Variants in SPECC1L observed in about 807,000 individuals in gnomAD.
SPECC1L encodes cytospin-A.
Under a neutral mutation model 116.8 loss-of-function variants are expected in SPECC1L, and 40 were observed. The observed-to-expected ratio is 0.34, with a 90% CI of 0.27 to 0.45. The LOEUF is 0.45. Ranked by LOEUF, SPECC1L falls within the 20% of genes least tolerant of loss-of-function variation. The pLI, the probability that SPECC1L is intolerant of heterozygous loss-of-function variation, is 1.00. For synonymous variants in SPECC1L, 504 were observed against 500.6 expected (o/e 1.01, Z -0.09); for missense variants, 1,110 against 1,373.6 (o/e 0.81, Z 3.03).
chr22:24,314,894 G>A (rs545973338), intron 4 of SPECC1L, among the ~76,000 whole-genome samples: 1 of 152,304 alleles, frequency 6.6e-6, no homozygotes, highest in South Asian at 2.1e-4. Flanking sequence ...TCAGTGCCTA[G>A]ATCCATTCAT....
intron 6 of SPECC1L, among the ~76,000 whole-genome samples, chr22:24,326,602 G>A (rs548467575): frequency 1.3e-5 from 2 of 151,794 alleles, no homozygotes; most frequent in East Asian, 4.1e-4. Context: ...ATCTACCCTT[G>A]TTGTCTCAAC....
intron 2 of SPECC1L, among the ~76,000 whole-genome samples, chr22:24,286,419 C>A (rs1301481301): frequency 6.6e-6 from 1 of 152,174 alleles, no homozygotes. Flanking sequence ...ATTGCTTGAA[C>A]TTGCAATACA....
chr22:24,351,505 AGTCT>A (rs1308404665), intron 11 of SPECC1L, among the ~76,000 whole-genome samples: 2 of 152,196 alleles, frequency 1.3e-5, no homozygotes, highest in East Asian at 3.8e-4. Context: ...ACATGCCGTC[AGTCT>A]ATGTAAAAGC....
At chr22:24,357,057 G>T (rs200536359) in intron 11 of SPECC1L, among the ~76,000 whole-genome samples, 1 of 8,380 alleles carries the variant, frequency 1.2e-4, no homozygotes, top group Non-Finnish European at 2.1e-4. Context: ...ATAATCCCCT[G>T]GGGGGGCAAA....
In SPECC1L at chr22:24,309,574, T is replaced by C. The variant is rs1251182288; in HGVS notation, c.154-3739T>C. ...TGCTGCCACACCCAGCTAATTTTTG[T>C]ATTTTTAGTAGAGACGGGGTTTCAC... On this transcript the variant is annotated intron_variant, in intron 3 of 16. Coordinates refer to ENST00000314328, the MANE Select transcript of SPECC1L (RefSeq NM_015330.6). Among the ~76,000 whole-genome samples, 4 of 152,306 alleles carry C rather than the reference T, an allele frequency of 2.6e-5. No homozygotes were observed. The East Asian group carries it at 7.7e-4, about 29-fold the overall frequency.
chr22:24,355,190 T>C (rs11912259), intron 11 of SPECC1L, among the ~76,000 whole-genome samples: 83,596 of 149,172 alleles, frequency 0.56, 23,622 homozygotes, highest in African/African-American at 0.65. Flanking sequence ...GGCTGAGGCA[T>C]GAGAATTACT....
At chr22:24,302,479 C>T in intron 3 of SPECC1L, 95 bp downstream of exon 3, 1 of 1,504,710 alleles carries the variant, frequency 6.6e-7, no homozygotes, top group Non-Finnish European at 9.2e-7. Flanking sequence ...TAGGGGTGTG[C>T]CCTCTTCTGG....
At chr22:24,365,152 C>T (rs987019839) in intron 12 of SPECC1L, among the ~76,000 whole-genome samples, 4 of 152,092 alleles carry the variant, frequency 2.6e-5, no homozygotes, top group African/African-American at 9.7e-5. Context: ...GGATTACAGG[C>T]ATGCACCACC....
At chr22:24,377,902 G>A (rs1413585219) in intron 14 of SPECC1L, among the ~76,000 whole-genome samples, 1 of 152,212 alleles carries the variant, frequency 6.6e-6, no homozygotes, top group African/African-American at 2.4e-5. Context: ...CCCTAGGATT[G>A]TGGGACTGGT....
At chr22:24,370,257 G>A (rs1410543933) in intron 14 of SPECC1L, among the ~76,000 whole-genome samples, 3 of 152,224 alleles carry the variant, frequency 2.0e-5, no homozygotes, top group African/African-American at 7.2e-5. Flanking sequence ...AGATTAAAGA[G>A]CCAAGCATAT....
At chr22:24,391,135 A>G (rs1285355383) in intron 14 of SPECC1L, among the ~76,000 whole-genome samples, 2 of 151,784 alleles carry the variant, frequency 1.3e-5, no homozygotes, top group Non-Finnish European at 2.9e-5. Context: ...TTGGCCTCCC[A>G]AAGTGCTGGG....
At chr22:24,284,100 ATTCTT>A (rs1249623252) in intron 2 of SPECC1L, among the ~76,000 whole-genome samples, 2 of 151,810 alleles carry the variant, frequency 1.3e-5, no homozygotes, top group Non-Finnish European at 2.9e-5. Context: ...TTAGATGTTT[ATTCTT>A]TTCTTCTCCA....
intron 11 of SPECC1L, among the ~76,000 whole-genome samples, chr22:24,360,639 A>C (rs1479634937): frequency 6.6e-6 from 1 of 152,194 alleles, no homozygotes; most frequent in African/African-American, 2.4e-5. Flanking sequence ...GTAGGGAATG[A>C]CCAGGGCTTA....
intron 2 of SPECC1L, among the ~76,000 whole-genome samples, chr22:24,297,756 G>A (rs527997889): frequency 2.6e-5 from 4 of 152,140 alleles, no homozygotes; most frequent in Admixed American, 6.6e-5. Context: ...AATCTTGTGC[G>A]GTCTCATTGT....
Position 24,324,440 on chromosome 22 carries a change from A to G in SPECC1L, c.2146+13A>G. The G allele has an allele frequency of 3.1e-6, 5 of 1,606,862 alleles. No individual in the cohort carries two copies. The highest frequency in any genetic ancestry group is 4.3e-6 in the Non-Finnish European group (5 of 1,173,586). On this transcript the variant is annotated intron_variant, in intron 6 of 16. Coordinates refer to ENST00000314328, the MANE Select transcript of SPECC1L (RefSeq NM_015330.6). ...TCTGATCTAGAGAGTAAGTGATAAGAACTTTTCATTCTTTTTTGTCCTACT... is the reference window on the plus strand; with the variant it reads ...TCTGATCTAGAGAGTAAGTGATAAGGACTTTTCATTCTTTTTTGTCCTACT...
At chr22:24,275,847 T>G (rs2048826393) in intron 1 of SPECC1L, among the ~76,000 whole-genome samples, 1 of 152,148 alleles carries the variant, frequency 6.6e-6, no homozygotes, top group South Asian at 2.1e-4. Context: ...TAGCTGAGAC[T>G]GCAGGCCCGC....
rs936639910 is a variant in SPECC1L at position 24,321,427 on chromosome 22, A to C, written c.447A>C (p.Ala149=). ...CAGGTCAGGGAGCTAATGACATGGC[A>C]TTGGCCAAACGTTCCCGCAGTCGAA... is the stretch of plus-strand genomic sequence containing the variant. ...PSAGQGANDM[A]LAKRSRSRTA... The change falls in exon 5 of 17, where the codon GCA becomes GCC. Residue 149 remains alanine, a synonymous_variant. Transcript: ENST00000314328. The C allele has an allele frequency of 3.1e-6, 5 of 1,614,256 alleles. No individual in the cohort carries two copies. Among genetic ancestry groups the C allele is most frequent in the Non-Finnish European group, 3.4e-6 (4 of 1,180,038 alleles).
chr22:24,306,592 TG>T (rs986281905), intron 3 of SPECC1L, among the ~76,000 whole-genome samples: 6 of 152,110 alleles, frequency 3.9e-5, no homozygotes, highest in African/African-American at 1.4e-4. Context: ...TTTTTTACCC[TG>T]GCTGGTCTCT....
At chr22:24,279,619 G>GC (rs1164447519) in intron 2 of SPECC1L, among the ~76,000 whole-genome samples, 1 of 151,812 alleles carries the variant, frequency 6.6e-6, no homozygotes, top group Non-Finnish European at 1.5e-5. Flanking sequence ...TAGCTCTGTT[G>GC]CCCAGGTTGT....
Sources: gnomAD v4.1 joint callset for allele counts (sites outside exome capture counted in the v4.1 genomes callset) on GRCh38, gnomAD v4.1.1 for gene constraint, MANE v1.5 for transcripts, NCBI Gene and HGNC (gene_info 2026-07-23, HGNC 2026-07-21) for gene names.